Variants in TMEM132D observed in about 807,000 individuals in gnomAD.
TMEM132D encodes transmembrane protein 132D.
A neutral mutation model predicts 62.3 loss-of-function variants in TMEM132D; 21 were observed. That is an observed-to-expected ratio of 0.34 (90% CI 0.24 to 0.49). TMEM132D has a LOEUF of 0.49. TMEM132D is among the 20% of genes least tolerant of loss of function. The pLI, the probability that TMEM132D is intolerant of heterozygous loss-of-function variation, is 0.99. For synonymous variants in TMEM132D, 621 were observed against 575.6 expected (o/e 1.08, Z -1.13); for missense variants, 1,346 against 1,402.8 (o/e 0.96, Z 0.65).
chr12:129,746,700 G>A lies in TMEM132D; in HGVS notation c.80-46002C>T, dbSNP rs1252845911. ...ACCTCCCAAGACTCAGGTTTTTGGTGATAAGGGTAAAACCTTTTATACCCT... is the reference window on the plus strand; with the variant it reads ...ACCTCCCAAGACTCAGGTTTTTGGTAATAAGGGTAAAACCTTTTATACCCT... On this transcript the variant is annotated intron_variant, in intron 1 of 8. Transcript: ENST00000422113. Among the ~76,000 whole-genome samples, 4 of 152,090 alleles carry A rather than the reference G, an allele frequency of 2.6e-5. No individual in the cohort carries two copies. In the East Asian group the frequency reaches 5.8e-4, roughly 22 times the overall value.
At chr12:129,701,079 A>C (rs562788394) in intron 1 of TMEM132D, among the ~76,000 whole-genome samples, 5 of 152,208 alleles carry the variant, frequency 3.3e-5, no homozygotes, top group Non-Finnish European at 7.3e-5. Flanking sequence ...ACAAGCTACC[A>C]TCGACAGAGA....
chr12:129,495,355 T>G (rs145258550), intron 3 of TMEM132D, among the ~76,000 whole-genome samples: 1 of 152,272 alleles, frequency 6.6e-6, no homozygotes, highest in South Asian at 2.1e-4. Flanking sequence ...AATGGAGACC[T>G]CCCAGTGGTG....
intron 1 of TMEM132D, among the ~76,000 whole-genome samples, chr12:129,876,483 T>G (rs1004402577): frequency 6.6e-6 from 1 of 152,196 alleles, no homozygotes. Flanking sequence ...CACTACCTCT[T>G]TCATGAACAC....
intron 3 of TMEM132D, among the ~76,000 whole-genome samples, chr12:129,367,981 T>C (rs1028675159): frequency 1.3e-5 from 2 of 151,976 alleles, no homozygotes; most frequent in African/African-American, 4.8e-5. Flanking sequence ...AGATGGGGTT[T>C]AGTAGAGAGC....
intron 2 of TMEM132D, among the ~76,000 whole-genome samples, chr12:129,679,026 T>C (rs144806938): frequency 5.3e-4 from 81 of 152,088 alleles, no homozygotes; most frequent in Admixed American, 1.4e-3. Flanking sequence ...TTATAAAAAA[T>C]TATAACCCAT....
chr12:129,140,128 T>C (rs1307840473), intron 5 of TMEM132D, among the ~76,000 whole-genome samples: 1 of 151,936 alleles, frequency 6.6e-6, no homozygotes. Flanking sequence ...TTTGATGCAT[T>C]TGGGTAATTA....
chr12:129,289,547 T>TAAAAAAAAAAAAAAAAAAAAAA (rs59709658), intron 4 of TMEM132D, among the ~76,000 whole-genome samples: 3 of 92,088 alleles, frequency 3.3e-5, no homozygotes, highest in Non-Finnish European at 7.0e-5. Context: ...TCCATCTCAA[T>TAAAAAAAAAAAAAAAAAAAAAA]AAAAAAAAAA....
At chr12:129,546,981 A>C (rs904123404) in intron 2 of TMEM132D, among the ~76,000 whole-genome samples, 3 of 152,216 alleles carry the variant, frequency 2.0e-5, no homozygotes. Flanking sequence ...TTGCCATAAC[A>C]AATTCCCACA....
At chr12:129,631,522 A>T (rs1879343588) in intron 2 of TMEM132D, among the ~76,000 whole-genome samples, 1 of 152,228 alleles carries the variant, frequency 6.6e-6, no homozygotes, top group Non-Finnish European at 1.5e-5. Context: ...ATTACTGAGG[A>T]AAAATTCTGA....
chr12:129,427,505 A>G (rs1872533578), intron 3 of TMEM132D, among the ~76,000 whole-genome samples: 1 of 152,164 alleles, frequency 6.6e-6, no homozygotes, highest in Non-Finnish European at 1.5e-5. Flanking sequence ...ATGTATACAT[A>G]TGTAACTAAC....
intron 1 of TMEM132D, among the ~76,000 whole-genome samples, chr12:129,743,286 A>G (rs1324377705): frequency 6.6e-6 from 1 of 152,168 alleles, no homozygotes. Context: ...TGCAGTTCCC[A>G]TACTCCCCAC....
intron 1 of TMEM132D, among the ~76,000 whole-genome samples, chr12:129,835,046 T>C (rs1027613527): frequency 2.6e-5 from 4 of 152,184 alleles, no homozygotes; most frequent in African/African-American, 7.2e-5. Context: ...CCGTATGCAC[T>C]AGGACACATG....
intron 1 of TMEM132D, among the ~76,000 whole-genome samples, chr12:129,771,187 C>T (rs977288990): frequency 2.0e-5 from 3 of 152,310 alleles, no homozygotes; most frequent in Non-Finnish European, 1.5e-5. Context: ...ACTCCCCAGG[C>T]GGATGATGTA....
At chr12:129,207,477 C>G (rs1878888034) in intron 5 of TMEM132D, among the ~76,000 whole-genome samples, 1 of 152,166 alleles carries the variant, frequency 6.6e-6, no homozygotes, top group African/African-American at 2.4e-5. Flanking sequence ...CTGTGGGTGT[C>G]TGTGAAGATT....
At chr12:129,743,577 T>C (rs556637950) in intron 1 of TMEM132D, among the ~76,000 whole-genome samples, 1 of 152,126 alleles carries the variant, frequency 6.6e-6, no homozygotes, top group African/African-American at 2.4e-5. Flanking sequence ...TTCAGGTAGG[T>C]CTTTATTAGC....
chr12:129,105,359 A>C (rs10847768), intron 5 of TMEM132D, among the ~76,000 whole-genome samples: 66,080 of 129,066 alleles, frequency 0.51, 18,741 homozygotes, highest in East Asian at 0.77. Flanking sequence ...CACATGGACA[A>C]AGGAAGGGGA....
intron 3 of TMEM132D, among the ~76,000 whole-genome samples, chr12:129,420,173 G>A (rs1002135303): frequency 6.6e-6 from 1 of 151,924 alleles, no homozygotes; most frequent in Non-Finnish European, 1.5e-5. Flanking sequence ...GATAGCATCA[G>A]CAGGAAGAAT....
chr12:129,885,203 C>T (rs1593198744), intron 1 of TMEM132D, among the ~76,000 whole-genome samples: 2 of 152,162 alleles, frequency 1.3e-5, no homozygotes, highest in East Asian at 3.8e-4. Context: ...GCAACGGTTA[C>T]CAGACCATAT....
chr12:129,822,288 G>A (rs1872559160), intron 1 of TMEM132D, among the ~76,000 whole-genome samples: 1 of 152,120 alleles, frequency 6.6e-6, no homozygotes, highest in African/African-American at 2.4e-5. Flanking sequence ...CAGGTTGGCT[G>A]TCTCACTGGA....
Sources: gnomAD v4.1 joint callset for allele counts (sites outside exome capture counted in the v4.1 genomes callset) on GRCh38, gnomAD v4.1.1 for gene constraint, MANE v1.5 for transcripts, NCBI Gene and HGNC (gene_info 2026-07-23, HGNC 2026-07-21) for gene names.